The following B3GALT1 variants were observed in gnomAD, a reference collection of about 807,000 sequenced individuals.
B3GALT1 encodes the protein UDP-Gal:betaGlcNAc beta 1,3-galactosyltransferase, polypeptide 1.
B3GALT1 carries 10 observed loss-of-function variants against 23.2 expected under a neutral mutation model. That is an observed-to-expected ratio of 0.43 (90% CI 0.27 to 0.73). The LOEUF (loss-of-function observed/expected upper bound fraction) is 0.73, where lower values mean the gene tolerates loss of function less well. Among genes scored for constraint, B3GALT1 ranks in the 30% least tolerant of loss-of-function variants. The pLI is 0.21. For missense variants in B3GALT1, 299 were observed against 405.4 expected (o/e 0.74, Z 2.25); for synonymous variants, 156 against 141.5 (o/e 1.10, Z -0.73).
chr2:167,604,006 A>T (rs1380438466), intron 2 of B3GALT1, among the ~76,000 whole-genome samples: 1 of 152,176 alleles, frequency 6.6e-6, no homozygotes, highest in Non-Finnish European at 1.5e-5. Context: ...GAAATGTTCT[A>T]TAGAAAAATT....
At chr2:167,736,272 A>G (rs1433665586) in intron 3 of B3GALT1, among the ~76,000 whole-genome samples, 2 of 150,118 alleles carry the variant, frequency 1.3e-5, no homozygotes, top group East Asian at 2.0e-4. Context: ...GTCTGTAATG[A>G]TATTATAATA....
intron 1 of B3GALT1, among the ~76,000 whole-genome samples, chr2:167,410,303 A>G (rs1698370714): frequency 6.6e-6 from 1 of 151,994 alleles, no homozygotes; most frequent in Non-Finnish European, 1.5e-5. Flanking sequence ...AGAGATCAAG[A>G]CCATGGTGAA....
chr2:167,655,617 T>C (rs1275119195), intron 3 of B3GALT1, among the ~76,000 whole-genome samples: 1 of 152,210 alleles, frequency 6.6e-6, no homozygotes. Flanking sequence ...TCATTTAAAA[T>C]TGTTCATTGA....
chr2:167,732,354 A>G (rs915052713), intron 3 of B3GALT1, among the ~76,000 whole-genome samples: 1 of 152,238 alleles, frequency 6.6e-6, no homozygotes, highest in African/African-American at 2.4e-5. Flanking sequence ...TGTGAGTAGT[A>G]CTGACGTAAT....
At chr2:167,373,562 A>G (rs1697717221) in intron 1 of B3GALT1, among the ~76,000 whole-genome samples, 1 of 152,220 alleles carries the variant, frequency 6.6e-6, no homozygotes. Flanking sequence ...AAAAAGAGGT[A>G]GAGCAAAAGA....
At chr2:167,695,788 A>C (rs972279576) in intron 3 of B3GALT1, among the ~76,000 whole-genome samples, 2 of 152,164 alleles carry the variant, frequency 1.3e-5, no homozygotes, top group Non-Finnish European at 2.9e-5. Flanking sequence ...TAATACTACC[A>C]GCCCATGGTG....
intron 1 of B3GALT1, among the ~76,000 whole-genome samples, chr2:167,348,137 A>G (rs1697254049): frequency 6.6e-6 from 1 of 152,192 alleles, no homozygotes; most frequent in Admixed American, 6.5e-5. Context: ...TGTGCATAGC[A>G]CCTGGCACAT....
intron 1 of B3GALT1, among the ~76,000 whole-genome samples, chr2:167,363,125 G>C (rs2105264163): frequency 6.6e-6 from 1 of 151,900 alleles, no homozygotes; most frequent in East Asian, 1.9e-4. Context: ...AAAGTGCTGG[G>C]ATTACAGGCT....
chr2:167,619,669 T>A (rs1313612133), intron 2 of B3GALT1, among the ~76,000 whole-genome samples: 7 of 152,162 alleles, frequency 4.6e-5, no homozygotes, highest in African/African-American at 1.7e-4. Context: ...ATGGCAATTC[T>A]ACCACACATG....
chr2:167,360,910 C>T (rs1044521156), intron 1 of B3GALT1, among the ~76,000 whole-genome samples: 8 of 152,144 alleles, frequency 5.3e-5, no homozygotes, highest in Non-Finnish European at 1.2e-4. Flanking sequence ...TCTCTAACTC[C>T]ATGAGCTCCA....
At chr2:167,366,907 A>G (rs1303170373) in intron 1 of B3GALT1, among the ~76,000 whole-genome samples, 1 of 152,190 alleles carries the variant, frequency 6.6e-6, no homozygotes, top group African/African-American at 2.4e-5. Flanking sequence ...GGCTTCCTCT[A>G]GAGCACAAAG....
intron 3 of B3GALT1, among the ~76,000 whole-genome samples, chr2:167,719,344 C>T (rs779359086): frequency 5.3e-5 from 8 of 152,206 alleles, no homozygotes; most frequent in South Asian, 4.2e-4. Flanking sequence ...TAATGCTTGA[C>T]GTACAGGCAG....
chr2:167,535,855 T>G (rs1683409471), intron 2 of B3GALT1, among the ~76,000 whole-genome samples: 1 of 152,152 alleles, frequency 6.6e-6, no homozygotes, highest in Non-Finnish European at 1.5e-5. Context: ...GTCAAAAAGT[T>G]CAGTTTCAAA....
chr2:167,569,731 C>G (rs1684255818), intron 2 of B3GALT1, among the ~76,000 whole-genome samples: 1 of 151,790 alleles, frequency 6.6e-6, no homozygotes, highest in Non-Finnish European at 1.5e-5. Context: ...ACATCCTTGC[C>G]TTGTTTCTGA....
At chr2:167,793,560 C>G (rs1688483905) in intron 3 of B3GALT1, among the ~76,000 whole-genome samples, 1 of 152,174 alleles carries the variant, frequency 6.6e-6, no homozygotes. Flanking sequence ...TTTTCTTCCA[C>G]ATTTCCAATT....
intron 2 of B3GALT1, among the ~76,000 whole-genome samples, chr2:167,645,040 A>G (rs2105458769): frequency 6.6e-6 from 1 of 152,268 alleles, no homozygotes; most frequent in South Asian, 2.1e-4. Flanking sequence ...TGAGTACAGC[A>G]CCATAGAGAG....
chr2:167,827,951 A>G (rs544417956), intron 4 of B3GALT1, among the ~76,000 whole-genome samples: 1 of 152,280 alleles, frequency 6.6e-6, no homozygotes, highest in African/African-American at 2.4e-5. Flanking sequence ...CGTCACAACC[A>G]CAGCATTCAG....
At chr2:167,463,377 A>G (rs1380235256) in intron 1 of B3GALT1, among the ~76,000 whole-genome samples, 2 of 152,072 alleles carry the variant, frequency 1.3e-5, no homozygotes, top group African/African-American at 4.8e-5. Flanking sequence ...CTCCCTCATA[A>G]TATTACTAAT....
chr2:167,469,929 A>G (rs973223345), intron 1 of B3GALT1, among the ~76,000 whole-genome samples: 4 of 152,190 alleles, frequency 2.6e-5, no homozygotes, highest in African/African-American at 9.7e-5. Flanking sequence ...AGCAAATTGT[A>G]TAAATTTTTT....
Sources: gnomAD v4.1 joint callset for allele counts (sites outside exome capture counted in the v4.1 genomes callset) on GRCh38, gnomAD v4.1.1 for gene constraint, MANE v1.5 for transcripts, NCBI Gene and HGNC (gene_info 2026-07-23, HGNC 2026-07-21) for gene names.